The following TOLLIP variants were observed in gnomAD, a reference collection of about 807,000 sequenced individuals.
TOLLIP encodes toll-interacting protein.
In TOLLIP, 16 loss-of-function variants were observed where a neutral mutation model predicts 33.5. The ratio of observed to expected loss-of-function variants is 0.48; its 90% CI spans 0.32 to 0.72. The LOEUF is 0.72. Ranked by LOEUF, TOLLIP falls within the 30% of genes least tolerant of loss-of-function variation. TOLLIP has a pLI of 0.03. For synonymous variants in TOLLIP, 176 were observed against 163.7 expected (o/e 1.07, Z -0.57); for missense variants, 325 against 396.6 (o/e 0.82, Z 1.53).
chr11:1,292,965 G>C (rs1229295155), intron 2 of TOLLIP, among the ~76,000 whole-genome samples: 1 of 152,238 alleles, frequency 6.6e-6, no homozygotes, highest in South Asian at 2.1e-4. Context: ...GCTGGAGCAG[G>C]CTCGGCAGGA....
At chr11:1,294,231 A>C (rs1302691613) in intron 2 of TOLLIP, among the ~76,000 whole-genome samples, 1 of 125,996 alleles carries the variant, frequency 7.9e-6, no homozygotes, top group Non-Finnish European at 1.6e-5. Context: ...CTTTCCCTGC[A>C]TTTCTACGAA....
chr11:1,276,802 G>A lies in TOLLIP; in HGVS notation c.*237C>T, dbSNP rs1863318872. 6.6e-7 allele frequency: 1 copy of A among 1,524,808 alleles called. No individual in the cohort carries two copies. The highest frequency in any genetic ancestry group is 2.0e-5 in the Admixed American group (1 of 50,608). 94.5% of individuals were successfully genotyped at this position (1,524,808 alleles called of 1,614,324 possible). On this transcript the variant is annotated 3_prime_UTR_variant, in exon 6 of 6. Coordinates refer to ENST00000317204, the MANE Select transcript of TOLLIP (RefSeq NM_019009.4). The stretch of plus-strand genomic sequence containing the variant: ...AGACGCACGTCCCAGGGACAGGAGA[G>A]CGCGCTGAGACCTCCCAGCACGAGA...
At chr11:1,295,411 A>G (rs905428713) in intron 2 of TOLLIP, 6 of 456,888 alleles carry the variant, frequency 1.3e-5, no homozygotes, top group African/African-American at 1.9e-5. Flanking sequence ...TACACAGAGC[A>G]GACGCCCACC....
chr11:1,290,139 G>A lies in TOLLIP; in HGVS notation c.366+88C>T. On this transcript the variant is annotated intron_variant, in intron 3 of 5. Coordinates refer to ENST00000317204, the MANE Select transcript of TOLLIP (RefSeq NM_019009.4). The surrounding 1 kb of genome is among the most constrained non-coding windows in gnomAD (Gnocchi z 4.9). ...GGGAGCCACGCCTCGAAGCCAGCCA[G>A]GAACGTGGCTGTGTTGGCAGGTGTG... The A allele has an allele frequency of 4.9e-6, 7 of 1,420,504 alleles. No individual in the cohort carries two copies. Among genetic ancestry groups the A allele is most frequent in the Non-Finnish European group, 6.8e-6 (7 of 1,033,202 alleles). The allele number at this position is 1,420,504 out of a possible 1,614,324, so 88.0% of individuals were successfully genotyped here.
intron 1 of TOLLIP, among the ~76,000 whole-genome samples, chr11:1,305,297 T>TTC (rs1864395682): frequency 6.6e-6 from 1 of 152,146 alleles, no homozygotes; most frequent in Non-Finnish European, 1.5e-5. Context: ...CTGGCTCAGG[T>TTC]GCAGTCAGCA....
At chr11:1,293,818 C>CT (rs1864025877) in intron 2 of TOLLIP, among the ~76,000 whole-genome samples, 1 of 152,244 alleles carries the variant, frequency 6.6e-6, no homozygotes, top group Admixed American at 6.5e-5. Flanking sequence ...GGTGATGGCA[C>CT]TGGCTGGCCT....
At chr11:1,285,629 C>T (rs555851304) in intron 5 of TOLLIP, among the ~76,000 whole-genome samples, 4 of 152,228 alleles carry the variant, frequency 2.6e-5, no homozygotes, top group African/African-American at 7.2e-5. Context: ...GCGTGAGGTT[C>T]GGACACGACG....
chr11:1,293,369 T>C (rs937467611), intron 2 of TOLLIP, among the ~76,000 whole-genome samples: 39 of 152,258 alleles, frequency 2.6e-4, no homozygotes, highest in African/African-American at 8.4e-4. Flanking sequence ...CATGGGTGTT[T>C]AGACCCACAG....
At position 1,309,540 on chromosome 11, in the gene TOLLIP, C is replaced by T. The variant is rs1032070403; in HGVS notation, c.-42G>A. 8.0e-7 allele frequency: 1 copy of T among 1,253,314 alleles called. No individual in the cohort carries two copies. Among genetic ancestry groups the T allele is most frequent in the Admixed American group, 3.5e-5 (1 of 28,458 alleles). 77.6% of individuals were successfully genotyped at this position (1,253,314 alleles called of 1,614,324 possible). A position where few individuals can be genotyped will look rare whatever the true frequency, so the allele number is the denominator to read the frequency against. On this transcript the variant is annotated 5_prime_UTR_variant, in exon 1 of 6. Coordinates refer to ENST00000317204, the MANE Select transcript of TOLLIP (RefSeq NM_019009.4). The stretch of plus-strand genomic sequence containing the variant: ...CCGTGGCTCGCCGACCCGACAGTGA[C>T]GCGCCGGGCGACCTCCTGCGCCCCC...
chr11:1,280,047 G>T (rs1163505410), intron 5 of TOLLIP, among the ~76,000 whole-genome samples: 1 of 152,236 alleles, frequency 6.6e-6, no homozygotes, highest in Non-Finnish European at 1.5e-5. Context: ...GTGATTCTTT[G>T]TTTCAAAGCG....
At position 1,295,784 on chromosome 11, in the gene TOLLIP, C is replaced by A. The variant is rs762808712; in HGVS notation, c.44G>T (p.Gly15Val). The A allele has an allele frequency of 1.2e-5, 19 of 1,570,960 alleles. No individual in the cohort carries two copies. The highest frequency in any genetic ancestry group is 1.6e-5 in the Non-Finnish European group (18 of 1,156,986). ...GCGGAGGAAGTCCTGCGGGAGCTCA[C>A]CGATGTACACCTGCGGGGCCGGGGA... ...VSTQRGPVYIGELPQDFLRIT... is the reference protein window; with the variant it reads ...VSTQRGPVYIVELPQDFLRIT... The change falls in exon 2 of 6, where the codon GGT (glycine) becomes GTT (valine). Residue 15 changes from glycine (G) to valine (V), a missense_variant. Physicochemically the swap from Gly to Val is moderately radical, Grantham distance 109. Transcript: ENST00000317204.
At chr11:1,305,561 G>A (rs1590232156) in intron 1 of TOLLIP, among the ~76,000 whole-genome samples, 1 of 152,252 alleles carries the variant, frequency 6.6e-6, no homozygotes, top group East Asian at 1.9e-4. Context: ...GATGGGGAAA[G>A]CTAATCTTTA....
intron 1 of TOLLIP, among the ~76,000 whole-genome samples, chr11:1,297,024 G>GCCTGGTTGCTGGTGGAGTGGGGTGGAGA: frequency 6.6e-6 from 1 of 150,448 alleles, no homozygotes; most frequent in African/African-American, 2.5e-5. Flanking sequence ...TGGGGTGGAG[G>GCCTGGTTGCTGGTGGAGTGGGGTGGAGA]CCTGGTTGCT....
rs1180172480 is a variant in TOLLIP, at chr11:1,290,083, C to T, written c.366+144G>A. The T allele has an allele frequency of 1.4e-6, 1 of 714,558 alleles. No homozygotes were observed. The allele number at this position is 714,558 out of a possible 1,614,324, so 44.3% of individuals were successfully genotyped here. A position where few individuals can be genotyped will look rare whatever the true frequency, so the allele number is the denominator to read the frequency against. The stretch of plus-strand genomic sequence containing the variant: ...TTCACATTCCTTGGGGAGAGCAGGA[C>T]CCTGTCATGCACCCAATGAAACACC... On this transcript the variant is annotated intron_variant, in intron 3 of 5. Transcript: ENST00000317204. The surrounding 1 kb of genome is among the most constrained non-coding windows in gnomAD (Gnocchi z 4.9).
chr11:1,276,614 T>C lies in TOLLIP; in HGVS notation c.*425A>G, dbSNP rs1863310508. 8.1e-7 allele frequency: 1 copy of C among 1,237,530 alleles called. No individual in the cohort carries two copies. The highest frequency in any genetic ancestry group is 1.5e-5 in the African/African-American group (1 of 64,836). 76.7% of individuals were successfully genotyped at this position (1,237,530 alleles called of 1,614,324 possible). ...GGGAAGTTCTAAAAAAAACCCACAG[T>C]GTGAGGGATTGTGTGTGCCTTAAAT... On this transcript the variant is annotated 3_prime_UTR_variant, in exon 6 of 6. Coordinates refer to ENST00000317204, the MANE Select transcript of TOLLIP (RefSeq NM_019009.4).
rs201193280 is a variant in TOLLIP at position 1,281,408 on chromosome 11, C to T, written c.611-4155G>A. ...AAAGTGGACGGTCCTCGTGAGGGCT[C>T]AGCCAGCATTCAGCCCTCAGTCTCC... On this transcript the variant is annotated intron_variant, in intron 5 of 5. Coordinates refer to ENST00000317204, the MANE Select transcript of TOLLIP (RefSeq NM_019009.4). 1.2e-4 allele frequency among the ~76,000 whole-genome samples: 18 copies of T among 152,288 alleles called. No homozygotes were observed. The East Asian group carries it at 3.5e-3, about 30-fold the overall frequency.
At position 1,276,956 on chromosome 11, in the gene TOLLIP, ATCTTGTTGGGACAGCAT is replaced by A; in HGVS notation, c.*66_*82del. The stretch of plus-strand genomic sequence containing the variant: ...GCGACACGGGTGCTCTTTCACGGGA[ATCTTGTTGGGACAGCAT>A]TCCTTGGGGAGCGCCGGGTCGGCGT... On this transcript the variant is annotated 3_prime_UTR_variant, in exon 6 of 6. Transcript: ENST00000317204. The A allele has an allele frequency of 6.3e-7, 1 of 1,585,520 alleles. No individual in the cohort carries two copies. The highest frequency in any genetic ancestry group is 8.6e-7 in the Non-Finnish European group (1 of 1,162,362).
chr11:1,284,265 C>T (rs549910405), intron 5 of TOLLIP, among the ~76,000 whole-genome samples: 5 of 152,160 alleles, frequency 3.3e-5, no homozygotes, highest in Admixed American at 6.5e-5. Context: ...GCTGCTTCTG[C>T]GTTTCTGGCT....
intron 3 of TOLLIP, among the ~76,000 whole-genome samples, chr11:1,289,221 G>A (rs1041788332): frequency 2.0e-5 from 3 of 152,260 alleles, no homozygotes; most frequent in South Asian, 4.1e-4. Flanking sequence ...CTTCCCATGC[G>A]CTCTCTACTC....
Sources: gnomAD v4.1 joint callset for allele counts (sites outside exome capture counted in the v4.1 genomes callset) on GRCh38, gnomAD v4.1.1 for gene constraint, Gnocchi (gnomAD v3.1) non-coding constraint, MANE v1.5 for transcripts, NCBI Gene and HGNC (gene_info 2026-07-23, HGNC 2026-07-21) for gene names.